CRCP: variants seen among roughly 807,000 people sequenced by gnomAD.
CRCP encodes the protein DNA-directed RNA polymerase III subunit RPC9.
In CRCP, 18 loss-of-function variants were observed where a neutral mutation model predicts 18.5. That is an observed-to-expected ratio of 0.97 (90% CI 0.67 to 1.44). The LOEUF (loss-of-function observed/expected upper bound fraction) is 1.44. Ranked by LOEUF, CRCP falls within the 40% of genes most tolerant of loss-of-function variation. The pLI is 0.00. For synonymous variants in CRCP, 53 were observed against 62.9 expected (o/e 0.84, Z 0.75); for missense variants, 130 against 176.4 (o/e 0.74, Z 1.49).
chr7:66,121,704 T>C (rs1787447139), intron 1 of CRCP, among the ~76,000 whole-genome samples: 1 of 152,216 alleles, frequency 6.6e-6, no homozygotes, highest in African/African-American at 2.4e-5. Context: ...TTTATATGGC[T>C]GGAAAAGTTT....
chr7:66,149,190 C>T (rs2116048841), intron 5 of CRCP, among the ~76,000 whole-genome samples: 1 of 152,218 alleles, frequency 6.6e-6, no homozygotes, highest in East Asian at 1.9e-4. Context: ...GTGCTTTGAA[C>T]TTTACTTCTT....
intron 5 of CRCP, among the ~76,000 whole-genome samples, chr7:66,147,616 AGTAG>A (rs1450288445): frequency 1.3e-5 from 2 of 152,160 alleles, no homozygotes; most frequent in Non-Finnish European, 2.9e-5. Context: ...GTTTCTACAA[AGTAG>A]GTAGGCCTTG....
chr7:66,126,211 G>A (rs1023862804), intron 1 of CRCP, among the ~76,000 whole-genome samples: 1 of 149,150 alleles, frequency 6.7e-6, no homozygotes, highest in African/African-American at 2.4e-5. Flanking sequence ...ACCTAAGGCC[G>A]AGGTCTATCT....
intron 1 of CRCP, among the ~76,000 whole-genome samples, chr7:66,118,656 A>G (rs561136370): frequency 1.2e-3 from 181 of 152,294 alleles, no homozygotes; most frequent in African/African-American, 3.9e-3. Flanking sequence ...ATTTGCATAT[A>G]ATCTATGCAC....
intron 1 of CRCP, 37 bp from the exon 2 acceptor site, chr7:66,127,667 G>T (rs1237520478): frequency 4.3e-6 from 7 of 1,613,048 alleles, no homozygotes; most frequent in Non-Finnish European, 5.1e-6. Context: ...AAAGGGGTGT[G>T]AGCCCAGACT....
intron 4 of CRCP, among the ~76,000 whole-genome samples, chr7:66,138,792 C>CA (rs35447994): frequency 0.11 from 14,212 of 131,338 alleles, 979 homozygotes; most frequent in Middle Eastern, 0.22. Flanking sequence ...GACTCCGTCT[C>CA]AAAAAAAAAA....
intron 4 of CRCP, among the ~76,000 whole-genome samples, chr7:66,142,475 G>C (rs1001134987): frequency 6.6e-6 from 1 of 152,100 alleles, no homozygotes. Flanking sequence ...TGACCTCTTG[G>C]TTGGCAAATA....
chr7:66,151,402 T>C (rs772698791), intron 5 of CRCP, among the ~76,000 whole-genome samples: 1 of 152,032 alleles, frequency 6.6e-6, no homozygotes, highest in Non-Finnish European at 1.5e-5. Flanking sequence ...ACCCCGTCTC[T>C]ACGAAAAATA....
intron 4 of CRCP, 42 bp from the exon 5 acceptor site, chr7:66,145,401 T>TATC: frequency 6.2e-7 from 1 of 1,606,308 alleles, no homozygotes; most frequent in Non-Finnish European, 8.5e-7. Context: ...ACTCAGGACT[T>TATC]AGGGCTATGC....
At chr7:66,125,656 A>G (rs1431719879) in intron 1 of CRCP, among the ~76,000 whole-genome samples, 1 of 149,136 alleles carries the variant, frequency 6.7e-6, no homozygotes, top group Non-Finnish European at 1.5e-5. Flanking sequence ...GGATTCTTGC[A>G]TTACACTATT....
At chr7:66,141,048 C>T (rs1788121584) in intron 4 of CRCP, among the ~76,000 whole-genome samples, 1 of 152,000 alleles carries the variant, frequency 6.6e-6, no homozygotes, top group South Asian at 2.1e-4. Context: ...CTTTCTAATC[C>T]TTTTAACCTC....
At chr7:66,125,014 T>G (rs1206869056) in intron 1 of CRCP, among the ~76,000 whole-genome samples, 1 of 149,488 alleles carries the variant, frequency 6.7e-6, no homozygotes, top group Non-Finnish European at 1.5e-5. Flanking sequence ...TTAGCTTCTT[T>G]TTGTGACATT....
intron 3 of CRCP, among the ~76,000 whole-genome samples, chr7:66,131,046 C>T (rs1228833709): frequency 6.6e-6 from 1 of 152,214 alleles, no homozygotes; most frequent in Non-Finnish European, 1.5e-5. Flanking sequence ...GTGATCTTCG[C>T]TCACTGCAAG....
At chr7:66,123,762 A>G (rs1382053081) in intron 1 of CRCP, among the ~76,000 whole-genome samples, 15 of 138,670 alleles carry the variant, frequency 1.1e-4, no homozygotes, top group East Asian at 2.1e-4. Flanking sequence ...AAAAAAAAAA[A>G]GGTGGGGGGG....
At chr7:66,147,123 C>T (rs1788321340) in intron 5 of CRCP, among the ~76,000 whole-genome samples, 1 of 152,088 alleles carries the variant, frequency 6.6e-6, no homozygotes, top group South Asian at 2.1e-4. Flanking sequence ...GGGCAGATCA[C>T]CTGAGGTCAG....
chr7:66,115,867 C>T (rs536222967), intron 1 of CRCP, among the ~76,000 whole-genome samples: 1 of 152,312 alleles, frequency 6.6e-6, no homozygotes, highest in South Asian at 2.1e-4. Flanking sequence ...GGGGTGTAAT[C>T]ATGGTTCACT....
In CRCP at chr7:66,123,468, G is replaced by A. The variant is rs925245834; in HGVS notation, c.9-4236G>A. 5.3e-5 allele frequency among the ~76,000 whole-genome samples: 8 copies of A among 152,136 alleles called. No homozygotes were observed. The East Asian group carries it at 7.7e-4, about 15-fold the overall frequency. On this transcript the variant is annotated intron_variant, in intron 1 of 5. Transcript: ENST00000395326. ...TAATAGCTCTAAAAAACTTTTAGAT[G>A]CCTGGTATGGTGGCTCACGCCTGTA...
chr7:66,121,034 CATAATAATAATAATA>C (rs10607378), intron 1 of CRCP, among the ~76,000 whole-genome samples: 176 of 145,394 alleles, frequency 1.2e-3, no homozygotes, highest in African/African-American at 3.7e-3. Context: ...GTAACTAATA[CATAATAATAATAATA>C]ATAATAATAA....
intron 1 of CRCP, 37 bp from the exon 2 acceptor site, chr7:66,127,667 G>C: frequency 6.2e-7 from 1 of 1,613,166 alleles, no homozygotes; most frequent in Non-Finnish European, 8.5e-7. Context: ...AAAGGGGTGT[G>C]AGCCCAGACT....
Sources: gnomAD v4.1 joint callset for allele counts (sites outside exome capture counted in the v4.1 genomes callset) on GRCh38, gnomAD v4.1.1 for gene constraint, MANE v1.5 for transcripts, NCBI Gene and HGNC (gene_info 2026-07-23, HGNC 2026-07-21) for gene names.